PDE1C: variants seen among roughly 807,000 people sequenced by gnomAD.
The protein encoded by PDE1C is phosphodiesterase 1C, also known as dual specificity calcium/calmodulin-dependent 3',5'-cyclic nucleotide phosphodiesterase 1C.
Under a neutral mutation model 93.1 loss-of-function variants are expected in PDE1C, and 62 were observed. The observed-to-expected ratio is 0.67, with a 90% CI of 0.54 to 0.82. The LOEUF (loss-of-function observed/expected upper bound fraction) is 0.82. Ranked by LOEUF, PDE1C falls within the 40% of genes least tolerant of loss-of-function variation. The pLI, the probability that PDE1C is intolerant of heterozygous loss-of-function variation, is 0.00. For missense variants in PDE1C, 742 were observed against 884.6 expected (o/e 0.84, Z 2.04); for synonymous variants, 325 against 310.1 (o/e 1.05, Z -0.50).
the PDE1C span, among the ~76,000 whole-genome samples, chr7:31,697,669 C>T: frequency 3.3e-5 from 5 of 152,126 alleles, no homozygotes; most frequent in African/African-American, 4.8e-5. Flanking sequence ...GAATAAGACA[C>T]GTATATTCAT....
At chr7:32,156,970 T>C (rs939481392) in intron 3 of PDE1C, among the ~76,000 whole-genome samples, 1 of 152,182 alleles carries the variant, frequency 6.6e-6, no homozygotes, top group Non-Finnish European at 1.5e-5. Context: ...CATAATAGGA[T>C]AAATCTCCTT....
At chr7:31,982,623 C>T (rs1812540539) in intron 2 of PDE1C, among the ~76,000 whole-genome samples, 2 of 151,412 alleles carry the variant, frequency 1.3e-5, no homozygotes, top group African/African-American at 2.4e-5. Context: ...AAGCCAAAAC[C>T]AATAGGTTTT....
At chr7:32,026,795 G>C (rs1316428762) in intron 2 of PDE1C, among the ~76,000 whole-genome samples, 1 of 151,746 alleles carries the variant, frequency 6.6e-6, no homozygotes, top group East Asian at 1.9e-4. Flanking sequence ...AACAAACTGT[G>C]GTACATCTAG....
intron 3 of PDE1C, among the ~76,000 whole-genome samples, chr7:32,095,468 A>G (rs1563308577): frequency 6.6e-6 from 1 of 152,130 alleles, no homozygotes; most frequent in Non-Finnish European, 1.5e-5. Flanking sequence ...CCTTGCTAAA[A>G]CTGGTTCACC....
At chr7:31,979,803 C>T (rs1812146059) in intron 2 of PDE1C, among the ~76,000 whole-genome samples, 1 of 152,202 alleles carries the variant, frequency 6.6e-6, no homozygotes, top group Non-Finnish European at 1.5e-5. Flanking sequence ...GAGCAGAATT[C>T]ACTGTACCCA....
intron 3 of PDE1C, among the ~76,000 whole-genome samples, chr7:32,120,989 A>T (rs190135250): frequency 8.5e-5 from 13 of 152,338 alleles, no homozygotes; most frequent in African/African-American, 3.1e-4. Context: ...TTGATAAAAG[A>T]TTAGAGAAGC....
At chr7:32,390,785 C>T (rs1031851992) in intron 1 of PDE1C, among the ~76,000 whole-genome samples, 5 of 151,608 alleles carry the variant, frequency 3.3e-5, no homozygotes, top group African/African-American at 4.8e-5. Context: ...CCTGGGAGGT[C>T]GAGACTGTAG....
intron 1 of PDE1C, among the ~76,000 whole-genome samples, chr7:32,320,075 A>G (rs1436046343): frequency 6.6e-6 from 1 of 152,186 alleles, no homozygotes; most frequent in Admixed American, 6.5e-5. Context: ...TTCAGTGAAC[A>G]TTAATTTGTC....
chr7:32,108,760 T>C (rs1296191146), intron 3 of PDE1C, among the ~76,000 whole-genome samples: 1 of 152,218 alleles, frequency 6.6e-6, no homozygotes, highest in Non-Finnish European at 1.5e-5. Context: ...GAATTTCACA[T>C]TGCCAGATAT....
At chr7:31,700,352 T>C in the PDE1C span, among the ~76,000 whole-genome samples, 1 of 152,108 alleles carries the variant, frequency 6.6e-6, no homozygotes, top group Non-Finnish European at 1.5e-5. Context: ...CAAAGCCTAA[T>C]CCAGAACAAG....
chr7:31,820,921 C>T (rs1464540292), intron 14 of PDE1C: 1 of 151,552 alleles, frequency 6.6e-6, no homozygotes, highest in African/African-American at 2.4e-5. Flanking sequence ...CTTCTATTCA[C>T]CTCAATTCTG....
At chr7:32,252,295 G>T (rs1214976284) in intron 1 of PDE1C, among the ~76,000 whole-genome samples, 5 of 152,122 alleles carry the variant, frequency 3.3e-5, no homozygotes, top group Non-Finnish European at 1.5e-5. Flanking sequence ...GGACTATAAG[G>T]CACAAACCAC....
At chr7:31,688,416 C>T in the PDE1C span, among the ~76,000 whole-genome samples, 2 of 152,194 alleles carry the variant, frequency 1.3e-5, no homozygotes, top group South Asian at 2.1e-4. Context: ...CTGAGAAAAC[C>T]GCTCAATGAT....
intron 1 of PDE1C, among the ~76,000 whole-genome samples, chr7:32,397,809 T>G (rs988976687): frequency 6.6e-6 from 1 of 151,366 alleles, no homozygotes; most frequent in African/African-American, 2.4e-5. Context: ...AGGTCAGAGT[T>G]CGAGACTAGT....
Position 32,067,564 on chromosome 7 carries a change from C to A in PDE1C, c.101+2729G>T. On this transcript the variant is annotated intron_variant, in intron 1 of 17. Transcript: ENST00000396191. ...AGAAATCCTCTTGCTCTGGTAAAGA[C>A]TACCTCTCACCAGTGTGAAAGAGGG... Among the ~76,000 whole-genome samples the A allele has an allele frequency of 2.0e-5, 3 of 152,234 alleles. No homozygotes were observed. In the East Asian group the frequency reaches 5.8e-4, roughly 29 times the overall value.
At chr7:32,360,372 GT>G (rs141453432) in intron 1 of PDE1C, among the ~76,000 whole-genome samples, 106 of 152,338 alleles carry the variant, frequency 7.0e-4, no homozygotes, top group African/African-American at 1.9e-3. Flanking sequence ...ATATCCAGTG[GT>G]TGTGAGAGGA....
chr7:32,179,878 GGAAA>G (rs993437018), intron 2 of PDE1C, among the ~76,000 whole-genome samples: 1 of 152,192 alleles, frequency 6.6e-6, no homozygotes, highest in Middle Eastern at 3.4e-3. Context: ...AGAAGCACAG[GGAAA>G]GAAAGAGACA....
intron 3 of PDE1C, among the ~76,000 whole-genome samples, chr7:32,143,324 C>T (rs568320442): frequency 3.3e-5 from 5 of 150,774 alleles, no homozygotes; most frequent in African/African-American, 1.2e-4. Flanking sequence ...TACGAGATGA[C>T]TGGGGAGCCC....
At chr7:32,014,269 A>T (rs1435957184) in intron 2 of PDE1C, among the ~76,000 whole-genome samples, 1 of 149,406 alleles carries the variant, frequency 6.7e-6, no homozygotes, top group Non-Finnish European at 1.5e-5. Flanking sequence ...CAGTAAGAAG[A>T]TAGTCTGAAA....
Sources: allele counts gnomAD v4.1 joint callset (sites outside exome capture counted in the v4.1 genomes callset), GRCh38; gene constraint gnomAD v4.1.1; transcripts MANE v1.5; gene names NCBI Gene and HGNC (gene_info 2026-07-23, HGNC 2026-07-21).